LCOR: variants seen among roughly 807,000 people sequenced by gnomAD.
The protein encoded by LCOR is ligand-dependent corepressor.
A neutral mutation model predicts 64.4 loss-of-function variants in LCOR; 14 were observed. The ratio of observed to expected loss-of-function variants is 0.22; its 90% CI spans 0.14 to 0.34. The LOEUF is 0.34. Among genes scored for constraint, LCOR ranks in the 10% least tolerant of loss-of-function variants. The pLI is 1.00. For missense variants in LCOR, 1,686 were observed against 1,765.3 expected (o/e 0.96, Z 0.80); for synonymous variants, 643 against 642.5 (o/e 1.00, Z -0.01).
chr10:96,951,863 T>C (rs888576428), intron 6 of LCOR, among the ~76,000 whole-genome samples: 12 of 152,210 alleles, frequency 7.9e-5, no homozygotes, highest in African/African-American at 2.9e-4. Flanking sequence ...TTCAGTAACA[T>C]GTTTTACCTT....
intron 2 of LCOR, among the ~76,000 whole-genome samples, chr10:96,904,650 G>C (rs1422236134): frequency 4.6e-5 from 7 of 152,142 alleles, no homozygotes; most frequent in Non-Finnish European, 1.5e-5. Flanking sequence ...ATATGTAAAG[G>C]TAGTTTTTAA....
intron 2 of LCOR, among the ~76,000 whole-genome samples, chr10:96,851,498 G>A (rs1045778026): frequency 1.3e-5 from 2 of 152,162 alleles, no homozygotes; most frequent in Non-Finnish European, 2.9e-5. Context: ...TAACACTGCC[G>A]AAAAAGTGCC....
chr10:96,971,127 C>T (rs1318010052), intron 7 of LCOR, among the ~76,000 whole-genome samples: 6 of 152,120 alleles, frequency 3.9e-5, no homozygotes, highest in South Asian at 2.1e-4. Flanking sequence ...ACCATTTCAT[C>T]CCAGTTTTCC....
At chr10:96,840,994 T>C (rs1441541115) in intron 2 of LCOR, among the ~76,000 whole-genome samples, 1 of 151,942 alleles carries the variant, frequency 6.6e-6, no homozygotes, top group African/African-American at 2.4e-5. Context: ...AAAAATTAGC[T>C]TTAGCTGTGT....
Position 96,863,617 on chromosome 10 carries a change from T to C in LCOR, c.-330+30138T>C, listed in dbSNP as rs115856090. ...GAAACGTGAAGTGTGTGGATTGGGA[T>C]AGCATGATCAGGTTTTTCTGAGGTT... On this transcript the variant is annotated intron_variant, in intron 2 of 7. Transcript: ENST00000421806. 3.3e-3 allele frequency among the ~76,000 whole-genome samples: 500 copies of C among 152,330 alleles called. 3 individuals are homozygous for C. The highest frequency in any genetic ancestry group is 0.012 in the African/African-American group (481 of 41,578).
Position 96,911,654 on chromosome 10 carries a change from G to A in LCOR, c.-184+3907G>A, listed in dbSNP as rs545201524. 2.6e-5 allele frequency among the ~76,000 whole-genome samples: 4 copies of A among 152,306 alleles called. No homozygotes were observed. The East Asian group carries it at 7.7e-4, about 29-fold the overall frequency. On this transcript the variant is annotated intron_variant, in intron 4 of 7. Transcript: ENST00000421806. ...CAGTTGGAAATTTCTCAGTTGGAAA[G>A]AGGGAAAGTGTATTTGAAATGACCA... is the stretch of plus-strand genomic sequence containing the variant.
intron 2 of LCOR, among the ~76,000 whole-genome samples, chr10:96,838,556 T>G (rs562992356): frequency 6.6e-6 from 1 of 152,390 alleles, no homozygotes; most frequent in Non-Finnish European, 1.5e-5. Flanking sequence ...ATTCTGGACA[T>G]AGCATGTAAT....
chr10:96,849,443 C>G (rs1271775787), intron 2 of LCOR, among the ~76,000 whole-genome samples: 1 of 152,170 alleles, frequency 6.6e-6, no homozygotes, highest in Non-Finnish European at 1.5e-5. Context: ...CTCCTGACCT[C>G]AGGTGATTGG....
chr10:96,837,181 G>A lies in LCOR; in HGVS notation c.-330+3702G>A, dbSNP rs576077011. ...AATTTTTTGTCTTTTTAGTAGAGAC[G>A]GGGTTTCACCGTGTTAGCCAGGATG... On this transcript the variant is annotated intron_variant, in intron 2 of 7. Transcript: ENST00000421806. Among the ~76,000 whole-genome samples, 62 of 152,108 alleles carry A rather than the reference G, an allele frequency of 4.1e-4. 1 individual carries two copies. Among genetic ancestry groups the A allele is most frequent in the Non-Finnish European group, 8.8e-5 (6 of 67,990 alleles).
At chr10:96,933,818 G>A (rs528689339) in intron 4 of LCOR, among the ~76,000 whole-genome samples, 18 of 152,206 alleles carry the variant, frequency 1.2e-4, no homozygotes, top group Admixed American at 8.5e-4. Flanking sequence ...GTGCCTGGCC[G>A]AAAGACTCTT....
intron 7 of LCOR, among the ~76,000 whole-genome samples, chr10:96,966,891 A>G (rs2134551140): frequency 6.6e-6 from 1 of 152,300 alleles, no homozygotes; most frequent in East Asian, 1.9e-4. Flanking sequence ...ACATGCTGCC[A>G]TGCCTGGCTA....
rs1564646436 is a variant in LCOR at position 96,983,799 on chromosome 10, C to T, written c.3339C>T (p.Asn1113=). 6.2e-7 allele frequency: 1 copy of T among 1,614,068 alleles called. No individual in the cohort carries two copies. The highest frequency in any genetic ancestry group is 1.7e-5 in the Admixed American group (1 of 60,014). ...AGGAGAACCAAGAGCTCATCGCCAA[C>T]TTCAATGCCCAGTACATGAAAGTTC... The part of the protein sequence containing the change: ...AEEENQELIA[N]FNAQYMKVQK... The change falls in exon 8 of 8, where the codon AAC becomes AAT. Residue 1113 remains asparagine, a synonymous_variant. Transcript: ENST00000421806. The surrounding 1 kb of genome is among the most constrained non-coding windows in gnomAD (Gnocchi z 4.5).
At chr10:96,895,911 T>G (rs1395364486) in intron 2 of LCOR, among the ~76,000 whole-genome samples, 1 of 152,148 alleles carries the variant, frequency 6.6e-6, no homozygotes, top group Non-Finnish European at 1.5e-5. Context: ...AGCAAGACTC[T>G]GTCTGAAGAA....
rs1050589175 is a variant in LCOR, at chr10:96,994,078, T to C, written c.*8944T>C. On this transcript the variant is annotated 3_prime_UTR_variant, in exon 8 of 8. Coordinates refer to ENST00000421806, the MANE Select transcript of LCOR (RefSeq NM_001346516.2). Reference sequence around the variant, plus strand: ...TCTGCCAGCACCAGACACATCAAAATTGGGCACATAGATGGAAAATTTTGC... The same window carrying C: ...TCTGCCAGCACCAGACACATCAAAACTGGGCACATAGATGGAAAATTTTGC... 2 of 152,148 alleles carry C rather than the reference T, an allele frequency of 1.3e-5. No individual in the cohort carries two copies. The highest frequency in any genetic ancestry group is 2.9e-5 in the Non-Finnish European group (2 of 68,022). The allele number at this position is 152,148 out of a possible 1,614,324, so 9.4% of individuals were successfully genotyped here.
At position 96,984,336 on chromosome 10, in the gene LCOR, TAGAAAC is replaced by T; in HGVS notation, c.3879_3884del (p.Arg1293_Asn1294del). On this transcript the variant is annotated inframe_deletion, in exon 8 of 8. Coordinates refer to ENST00000421806, the MANE Select transcript of LCOR (RefSeq NM_001346516.2). ...ACAGCATAGAGGAAGTCAAGGAAGA[TAGAAAC>T]AGTCATCCTCCAGCAAACCTGCCCA... 6.2e-7 allele frequency: 1 copy of T among 1,614,032 alleles called. No homozygotes were observed. The highest frequency in any genetic ancestry group is 8.5e-7 in the Non-Finnish European group (1 of 1,180,022).
intron 2 of LCOR, among the ~76,000 whole-genome samples, chr10:96,861,674 T>C (rs1257800784): frequency 6.6e-6 from 1 of 152,106 alleles, no homozygotes; most frequent in Non-Finnish European, 1.5e-5. Context: ...GGTGCCTGAG[T>C]AGCTGGGGTT....
intron 2 of LCOR, among the ~76,000 whole-genome samples, chr10:96,836,936 G>T (rs143538661): frequency 1.3e-3 from 196 of 152,108 alleles, no homozygotes; most frequent in African/African-American, 4.3e-3. Context: ...CTCAGGGGAG[G>T]AATGGTAGCT....
intron 2 of LCOR, among the ~76,000 whole-genome samples, chr10:96,874,069 T>C (rs1337773910): frequency 6.6e-6 from 1 of 152,158 alleles, no homozygotes; most frequent in Admixed American, 6.6e-5. Context: ...GAAATTCTGT[T>C]TTACTAAAAT....
At position 96,981,407 on chromosome 10, in the gene LCOR, T is replaced by C. The variant is rs965856029; in HGVS notation, c.947T>C (p.Leu316Ser). The C allele has an allele frequency of 5.0e-6, 8 of 1,614,042 alleles. No individual in the cohort carries two copies. Among genetic ancestry groups the C allele is most frequent in the Admixed American group, 1.7e-5 (1 of 60,004 alleles). ...DGKDHMQSSA[L>S]VESLITVKMA... The stretch of plus-strand genomic sequence containing the variant: ...AAAGACCATATGCAGAGTTCAGCTT[T>C]AGTAGAAAGTCTAATTACAGTAAAA... The change falls in exon 8 of 8, where the codon TTA becomes TCA. Residue 316 changes from leucine (L) to serine (S), a missense_variant. By Grantham distance (145) the Leu-to-Ser change is moderately radical (BLOSUM62 -2). This residue lies in a region of LCOR where 313 missense variants were observed against 247.2 expected (regional missense o/e 1.27). Transcript: ENST00000421806.
Sources: gnomAD v4.1 joint callset for allele counts (sites outside exome capture counted in the v4.1 genomes callset) on GRCh38, gnomAD v4.1.1 for gene constraint, gnomAD v4.1.1 regional missense constraint, Gnocchi (gnomAD v3.1) non-coding constraint, MANE v1.5 for transcripts, NCBI Gene and HGNC (gene_info 2026-07-23, HGNC 2026-07-21) for gene names.